CKAP5: variants seen among roughly 807,000 people sequenced by gnomAD.
CKAP5 encodes the protein cytoskeleton-associated protein 5.
In CKAP5, 27 loss-of-function variants were observed where a neutral mutation model predicts 232.8. The ratio of observed to expected loss-of-function variants is 0.12; its 90% CI spans 0.09 to 0.16. The LOEUF is 0.16. Ranked by LOEUF, CKAP5 falls within the 10% of genes least tolerant of loss-of-function variation. The probability of loss-of-function intolerance (pLI) is 1.00; values close to 1 mark genes in which losing one functional copy is unlikely to be tolerated. For missense variants in CKAP5, 1,838 were observed against 2,424.7 expected, an observed-to-expected ratio of 0.76 and a Z score of 5.08; for synonymous variants, 785 against 841.1, an observed-to-expected ratio of 0.93 and a Z score of 1.16.
At chr11:46,754,255 C>G (rs1469889769) in intron 36 of CKAP5, among the ~76,000 whole-genome samples, 7 of 152,148 alleles carry the variant, frequency 4.6e-5, no homozygotes, top group Non-Finnish European at 8.8e-5. Flanking sequence ...CCTTGGCCTC[C>G]CAACGTGCTG....
intron 3 of CKAP5, among the ~76,000 whole-genome samples, chr11:46,816,786 A>ATTTTTTTTTTTTTTTTTTTTTTTTTTTTT (rs397848056): frequency 7.9e-6 from 1 of 127,206 alleles, no homozygotes; most frequent in Non-Finnish European, 1.6e-5. Flanking sequence ...CTTGCTTTCA[A>ATTTTTTTTTTTTTTTTTTTTTTTTTTTTT]TTTTTTTTTT....
In CKAP5 at chr11:46,807,314, A is replaced by G. The variant is rs186684876; in HGVS notation, c.978+717T>C. On this transcript the variant is annotated intron_variant, in intron 8 of 43. Transcript: ENST00000529230. ...TGGCTTTACAGAATATAACTACTAC[A>G]AGTAATGACTTAGGTGTGCGTATAA... Among the ~76,000 whole-genome samples the G allele has an allele frequency of 2.8e-4, 43 of 152,322 alleles. 1 individual carries two copies. The highest frequency in any genetic ancestry group is 2.8e-3 in the Admixed American group (43 of 15,304).
In CKAP5 at chr11:46,767,779, T is replaced by TA; in HGVS notation, c.3323-117dup. The TA allele has an allele frequency of 4.9e-6, 3 of 613,978 alleles. No individual in the cohort carries two copies. The South Asian group carries it at 7.6e-5, about 16-fold the overall frequency. The allele number at this position is 613,978 out of a possible 1,614,324, so 38.0% of individuals were successfully genotyped here. Reference sequence around the variant, plus strand: ...TTGCAGTCTTAAATGTATCAATTTATAAGATGTTTTCAGTTAGTTTTTTTT... The same window carrying TA: ...TTGCAGTCTTAAATGTATCAATTTATAAAGATGTTTTCAGTTAGTTTTTTTT... On this transcript the variant is annotated intron_variant, in intron 26 of 43. Coordinates refer to ENST00000529230, the MANE Select transcript of CKAP5 (RefSeq NM_001008938.4).
At position 46,760,722 on chromosome 11, in the gene CKAP5, A is replaced by C. The variant is rs1445116339; in HGVS notation, c.4284T>G (p.Ser1428=). ...ERIKRSAKRP[S]AAPIKQVEEK... ...CTTCCACCTGTTTTATTGGTGCAGC[A>C]GAGGGTCTCTTTGCTGACCGCTTAA... Residue 1428 remains serine, a synonymous_variant, in exon 33 of 44, where the codon TCT becomes TCG. Transcript: ENST00000529230. 6.2e-7 allele frequency: 1 copy of C among 1,614,252 alleles called. No homozygotes were observed. Among genetic ancestry groups the C allele is most frequent in the Admixed American group, 1.7e-5 (1 of 60,030 alleles).
intron 27 of CKAP5, among the ~76,000 whole-genome samples, chr11:46,765,835 C>A (rs1405809640): frequency 1.3e-5 from 2 of 152,074 alleles, no homozygotes; most frequent in South Asian, 4.1e-4. Flanking sequence ...GAGCTCCTGA[C>A]CTCAAGTGAT....
intron 42 of CKAP5, among the ~76,000 whole-genome samples, chr11:46,749,449 C>T (rs182362907): frequency 0.011 from 1,384 of 122,234 alleles, 15 homozygotes; most frequent in Admixed American, 0.016. Context: ...GGTGAGACTC[C>T]GTCTCAAGAA....
intron 1 of CKAP5, among the ~76,000 whole-genome samples, chr11:46,835,154 G>A (rs1032836418): frequency 3.1e-4 from 47 of 152,070 alleles, no homozygotes; most frequent in Non-Finnish European, 1.5e-4. Context: ...GTGCATAGAA[G>A]AGTGAATAGA....
At chr11:46,835,422 A>G (rs2134715095) in intron 1 of CKAP5, among the ~76,000 whole-genome samples, 1 of 152,152 alleles carries the variant, frequency 6.6e-6, no homozygotes, top group South Asian at 2.1e-4. Context: ...TAGAGCAGAG[A>G]AAATAAAAGA....
chr11:46,790,104 C>G lies in CKAP5; in HGVS notation c.1847G>C (p.Arg616Thr). The G allele has an allele frequency of 6.2e-7, 1 of 1,612,044 alleles. No individual in the cohort carries two copies. Among genetic ancestry groups the G allele is most frequent in the Non-Finnish European group, 8.5e-7 (1 of 1,178,448 alleles). Reference protein sequence around the residue: ...QLLDSSNWKERLACMEEFQKA... With the variant: ...QLLDSSNWKETLACMEEFQKA... ...CTGGAACTCTTCCATACAAGCCAGC[C>G]TTTCTTTCCAGTTACTGCTGTCAAG... The change falls in exon 15 of 44, where the codon AGG becomes ACG. Residue 616 changes from arginine to threonine, a missense_variant. Coordinates refer to ENST00000529230, the MANE Select transcript of CKAP5 (RefSeq NM_001008938.4).
chr11:46,776,201 C>A, intron 24 of CKAP5, 54 bp downstream of exon 24: 1 of 1,535,118 alleles, frequency 6.5e-7, no homozygotes. Context: ...AGGCCCAAGC[C>A]CCTATGGAAG....
At chr11:46,760,494 C>A in intron 33 of CKAP5, 118 bp downstream of exon 33, 1 of 935,658 alleles carries the variant, frequency 1.1e-6, no homozygotes, top group South Asian at 1.5e-5. Context: ...TTTACCCAGA[C>A]ACTCTGTCAT....
rs746398117 is a variant in CKAP5 at position 46,784,566 on chromosome 11, A to G, written c.2076T>C (p.Asp692=). The change falls in exon 17 of 44, where the codon GAT becomes GAC. Residue 692 remains aspartate, a synonymous_variant. Coordinates refer to ENST00000529230, the MANE Select transcript of CKAP5 (RefSeq NM_001008938.4). ...VLDGLVDKIG[D]VKCGNNAKEA... ...CTTTTGCATTGTTCCCACATTTCAC[A>G]TCTCCAATCTTGTCCACAAGGCCAT... 6.2e-7 allele frequency: 1 copy of G among 1,614,094 alleles called. No individual in the cohort carries two copies. The highest frequency in any genetic ancestry group is 8.5e-7 in the Non-Finnish European group (1 of 1,179,990).
At chr11:46,764,376 T>C (rs1468109052) in intron 28 of CKAP5, among the ~76,000 whole-genome samples, 1 of 152,108 alleles carries the variant, frequency 6.6e-6, no homozygotes, top group Non-Finnish European at 1.5e-5. Context: ...AACCTAAATG[T>C]CCAACATAGT....
At chr11:46,824,987 A>C (rs978703280) in intron 1 of CKAP5, among the ~76,000 whole-genome samples, 2 of 152,220 alleles carry the variant, frequency 1.3e-5, no homozygotes, top group East Asian at 1.9e-4. Context: ...AACTGAGGCA[A>C]AGACAAGTAG....
rs4453193 is a variant in CKAP5, at chr11:46,765,856, C to T, written c.3412-600G>A. Among the ~76,000 whole-genome samples, 3 of 152,130 alleles carry T rather than the reference C, an allele frequency of 2.0e-5. No homozygotes were observed. In the East Asian group the frequency reaches 5.8e-4, roughly 30 times the overall value. On this transcript the variant is annotated intron_variant, in intron 27 of 43. Transcript: ENST00000529230. ...CTGACCTCAAGTGATCCACCCACCT[C>T]AGCCATTAATGACATCTTGAATGGC...
At chr11:46,833,853 TTATTA>T (rs1939852941) in intron 1 of CKAP5, among the ~76,000 whole-genome samples, 1 of 151,862 alleles carries the variant, frequency 6.6e-6, no homozygotes, top group African/African-American at 2.4e-5. Context: ...TACTATATTA[TTATTA>T]TATTATTATT....
intron 42 of CKAP5, among the ~76,000 whole-genome samples, chr11:46,746,686 T>TTGCA (rs2065024751): frequency 6.6e-6 from 1 of 152,234 alleles, no homozygotes; most frequent in African/African-American, 2.4e-5. Context: ...GACTGGAAGT[T>TTGCA]GCTCTGGGTG....
intron 18 of CKAP5, 56 bp from the exon 19 acceptor site, chr11:46,780,541 T>A (rs1292841189): frequency 2.7e-6 from 4 of 1,470,194 alleles, no homozygotes; most frequent in Non-Finnish European, 3.8e-6. Context: ...AAATACTCAA[T>A]AACGTTTTAT....
Position 46,770,809 on chromosome 11 carries a change from G to A in CKAP5, c.3165C>T (p.Ala1055=), listed in dbSNP as rs1206428245. Reference sequence around the variant, plus strand: ...GTACCTTTAGTTTCCCAGTAGCCTTGGCCATTTTTTCATATCCTAAATGCA... The same window carrying A: ...GTACCTTTAGTTTCCCAGTAGCCTTAGCCATTTTTTCATATCCTAAATGCA... ...FMMHLGYEKM[A]KATGKLKPTS... Residue 1055 remains alanine (A), a synonymous_variant, in exon 25 of 44, where the codon GCC becomes GCT. Transcript: ENST00000529230. 6.8e-6 allele frequency: 11 copies of A among 1,613,776 alleles called. No homozygotes were observed. The highest frequency in any genetic ancestry group is 4.4e-5 in the South Asian group (4 of 91,050).
Sources: allele counts gnomAD v4.1 joint callset (sites outside exome capture counted in the v4.1 genomes callset), GRCh38; gene constraint gnomAD v4.1.1; transcripts MANE v1.5; gene names NCBI Gene and HGNC (gene_info 2026-07-23, HGNC 2026-07-21).